NTRK2: variants seen among roughly 807,000 people sequenced by gnomAD.
The protein encoded by NTRK2 is neurotrophic receptor tyrosine kinase 2, also known as BDNF/NT-3 growth factors receptor.
Under a neutral mutation model 94.5 loss-of-function variants are expected in NTRK2, and 13 were observed. The observed-to-expected ratio is 0.14, with a 90% CI of 0.09 to 0.22. The LOEUF (loss-of-function observed/expected upper bound fraction) is 0.22, where lower values mean the gene tolerates loss of function less well. NTRK2 is among the 10% of genes least tolerant of loss of function. The pLI, the probability that NTRK2 is intolerant of heterozygous loss-of-function variation, is 1.00. For missense variants in NTRK2, 639 were observed against 1,071.2 expected, an observed-to-expected ratio of 0.60 and a Z score of 5.63; for synonymous variants, 372 against 407.4, an observed-to-expected ratio of 0.91 and a Z score of 1.05.
intron 9 of NTRK2, among the ~76,000 whole-genome samples, chr9:84,734,937 A>G (rs531119384): frequency 6.6e-6 from 1 of 152,212 alleles, no homozygotes; most frequent in South Asian, 2.1e-4. Context: ...TCTGCTGTCT[A>G]AGCTCTTTTC....
chr9:84,831,098 A>G (rs1277408394), intron 12 of NTRK2, among the ~76,000 whole-genome samples: 3 of 152,196 alleles, frequency 2.0e-5, no homozygotes, highest in Non-Finnish European at 2.9e-5. Flanking sequence ...TTTTCCTAGT[A>G]TTGGATGTTT....
intron 12 of NTRK2, among the ~76,000 whole-genome samples, chr9:84,786,700 C>G (rs914666185): frequency 6.6e-6 from 1 of 152,116 alleles, no homozygotes; most frequent in Non-Finnish European, 1.5e-5. Flanking sequence ...CAGAGGAAGG[C>G]TTTATGTTGC....
At chr9:84,771,871 G>T (rs868336637) in intron 12 of NTRK2, among the ~76,000 whole-genome samples, 2 of 152,316 alleles carry the variant, frequency 1.3e-5, no homozygotes, top group East Asian at 3.9e-4. Flanking sequence ...GGCCACTTCG[G>T]GGTATCGTTT....
chr9:84,868,434 C>T (rs1283856308), intron 14 of NTRK2, among the ~76,000 whole-genome samples: 1 of 152,152 alleles, frequency 6.6e-6, no homozygotes, highest in Non-Finnish European at 1.5e-5. Flanking sequence ...TCTGTAACTT[C>T]ATCCTATTCA....
intron 12 of NTRK2, among the ~76,000 whole-genome samples, chr9:84,762,210 A>C (rs955236536): frequency 6.6e-6 from 1 of 152,174 alleles, no homozygotes; most frequent in Admixed American, 6.6e-5. Flanking sequence ...TATTAGCAGC[A>C]TGAGAACAGA....
intron 17 of NTRK2, among the ~76,000 whole-genome samples, chr9:84,977,486 C>A (rs1206339249): frequency 6.6e-6 from 1 of 152,222 alleles, no homozygotes; most frequent in African/African-American, 2.4e-5. Context: ...TCAACCTTCA[C>A]TGGAAATGTG....
Position 85,025,749 on chromosome 9 carries a change from A to G in NTRK2, c.*4312A>G. 1 of 233,024 alleles carries G rather than the reference A, an allele frequency of 4.3e-6. No individual in the cohort carries two copies. The highest frequency in any genetic ancestry group is 8.5e-6 in the Non-Finnish European group (1 of 117,982). The allele number at this position is 233,024 out of a possible 1,614,324, so 14.4% of individuals were successfully genotyped here. ...TTGACCTTTGGTTTGGCCATATATC[A>G]CTGTTATAGGAAATCTCATGAGAGG... On this transcript the variant is annotated 3_prime_UTR_variant, in exon 19 of 19. Coordinates refer to ENST00000277120, the MANE Select transcript of NTRK2 (RefSeq NM_006180.6).
intron 14 of NTRK2, among the ~76,000 whole-genome samples, chr9:84,912,611 C>CT (rs1212242779): frequency 0.051 from 4,839 of 95,260 alleles, 234 homozygotes; most frequent in Non-Finnish European, 0.062. Context: ...TTTGACTTGC[C>CT]TTTTTTTTTT....
chr9:84,912,463 T>A (rs2077265058), intron 14 of NTRK2, among the ~76,000 whole-genome samples: 1 of 152,014 alleles, frequency 6.6e-6, no homozygotes, highest in African/African-American at 2.4e-5. Context: ...GTGAATTGAT[T>A]CTTTTATCAT....
At chr9:85,018,498 A>T (rs921480128) in intron 17 of NTRK2, among the ~76,000 whole-genome samples, 7 of 152,140 alleles carry the variant, frequency 4.6e-5, no homozygotes, top group African/African-American at 1.7e-4. Flanking sequence ...GGCTGCCCAG[A>T]CCTGGTGAGA....
intron 9 of NTRK2, among the ~76,000 whole-genome samples, chr9:84,738,811 A>G (rs1307215740): frequency 6.6e-6 from 1 of 152,226 alleles, no homozygotes; most frequent in African/African-American, 2.4e-5. Context: ...AGTTCGTCTC[A>G]CATTGTCTTT....
chr9:84,817,491 T>C (rs150294537), intron 12 of NTRK2, among the ~76,000 whole-genome samples: 280 of 152,346 alleles, frequency 1.8e-3, no homozygotes, highest in Middle Eastern at 6.8e-3. Context: ...TTCTAATAGT[T>C]CCATGAGTTT....
intron 14 of NTRK2, among the ~76,000 whole-genome samples, chr9:84,882,711 T>TGCGCGCGCGCGCGC (rs2076290506): frequency 2.0e-5 from 3 of 147,130 alleles, no homozygotes; most frequent in African/African-American, 5.2e-5. Context: ...TGTGTGTGTG[T>TGCGCGCGCGCGCGC]GTGTGTGTGC....
chr9:84,676,614 G>A (rs937680036), intron 2 of NTRK2, among the ~76,000 whole-genome samples: 3 of 152,208 alleles, frequency 2.0e-5, no homozygotes, highest in Non-Finnish European at 4.4e-5. Context: ...CTCATTAACA[G>A]CATTGTGGGA....
intron 17 of NTRK2, among the ~76,000 whole-genome samples, chr9:84,986,759 G>A (rs1302280868): frequency 6.6e-6 from 1 of 152,256 alleles, no homozygotes; most frequent in Non-Finnish European, 1.5e-5. Flanking sequence ...TAGAGAGAAT[G>A]TAAGGGAGAC....
intron 14 of NTRK2, among the ~76,000 whole-genome samples, chr9:84,905,598 A>G (rs1467491678): frequency 6.6e-6 from 1 of 152,206 alleles, no homozygotes; most frequent in East Asian, 1.9e-4. Context: ...AAAACATGAA[A>G]TTTTAGGTGT....
chr9:84,835,329 T>G (rs1382801026), intron 12 of NTRK2, among the ~76,000 whole-genome samples: 1 of 152,132 alleles, frequency 6.6e-6, no homozygotes, highest in Non-Finnish European at 1.5e-5. Flanking sequence ...TGCCCATCTG[T>G]GCATGACCCT....
chr9:84,958,060 A>T (rs1184824106), intron 17 of NTRK2, among the ~76,000 whole-genome samples: 1 of 152,168 alleles, frequency 6.6e-6, no homozygotes, highest in Admixed American at 6.5e-5. Flanking sequence ...AGAGACAGGA[A>T]GTAGATTAAT....
At chr9:84,929,488 C>A (rs962609847) in intron 14 of NTRK2, among the ~76,000 whole-genome samples, 1 of 151,454 alleles carries the variant, frequency 6.6e-6, no homozygotes, top group Non-Finnish European at 1.5e-5. Context: ...CTATAAAACT[C>A]TTTTTTTTAA....
Sources: allele counts gnomAD v4.1 joint callset (sites outside exome capture counted in the v4.1 genomes callset), GRCh38; gene constraint gnomAD v4.1.1; transcripts MANE v1.5; gene names NCBI Gene and HGNC (gene_info 2026-07-23, HGNC 2026-07-21).